PPP3CB: variants seen among roughly 807,000 people sequenced by gnomAD.
The protein encoded by PPP3CB is protein phosphatase 3 catalytic subunit beta.
A neutral mutation model predicts 66.4 loss-of-function variants in PPP3CB; 8 were observed. The ratio of observed to expected loss-of-function variants is 0.12; its 90% CI spans 0.07 to 0.22. PPP3CB has a LOEUF of 0.22. Ranked by LOEUF, PPP3CB falls within the 10% of genes least tolerant of loss-of-function variation. The pLI, the probability that PPP3CB is intolerant of heterozygous loss-of-function variation, is 1.00. For synonymous variants in PPP3CB, 208 were observed against 221.2 expected (o/e 0.94, Z 0.53); for missense variants, 319 against 642.5 (o/e 0.50, Z 5.44).
At chr10:73,455,177 C>T (rs1362984869) in intron 9 of PPP3CB, among the ~76,000 whole-genome samples, 1 of 152,140 alleles carries the variant, frequency 6.6e-6, no homozygotes, top group Non-Finnish European at 1.5e-5. Flanking sequence ...GCCACTGCGC[C>T]TGGCCTTAAT....
chr10:73,483,766 G>A lies in PPP3CB; in HGVS notation c.86-4249C>T, dbSNP rs999809877. Among the ~76,000 whole-genome samples the A allele has an allele frequency of 3.3e-5, 5 of 152,316 alleles. No individual in the cohort carries two copies. In the East Asian group the frequency reaches 9.6e-4, roughly 29 times the overall value. The stretch of plus-strand genomic sequence containing the variant: ...AGAACGGAGCTTCAGCAGGAGACCT[G>A]ACGGGGCAAAAGATAACTGTCCAAA... On this transcript the variant is annotated intron_variant, in intron 1 of 13. Transcript: ENST00000360663.
chr10:73,460,265 C>CAA (rs11447229), intron 9 of PPP3CB, among the ~76,000 whole-genome samples: 513 of 35,752 alleles, frequency 0.014, 15 homozygotes, highest in African/African-American at 0.04. Flanking sequence ...AAAGTAATAG[C>CAA]AAAAAAAAAA....
intron 8 of PPP3CB, 62 bp from the exon 9 acceptor site, chr10:73,467,740 A>C: frequency 7.1e-7 from 1 of 1,410,364 alleles, no homozygotes; most frequent in Non-Finnish European, 9.6e-7. Context: ...ATTAGCCTTA[A>C]AAATATAAAA....
At chr10:73,458,180 A>G (rs1291320619) in intron 9 of PPP3CB, among the ~76,000 whole-genome samples, 1 of 152,190 alleles carries the variant, frequency 6.6e-6, no homozygotes, top group Non-Finnish European at 1.5e-5. Flanking sequence ...TCTGTTGTCC[A>G]GGCTGGAGTG....
At chr10:73,495,571 AAG>A in intron 1 of PPP3CB, 1 of 412,562 alleles carries the variant, frequency 2.4e-6, no homozygotes, top group Non-Finnish European at 4.0e-6. Flanking sequence ...TTGGGCTAGG[AAG>A]CCACGGAAGC....
intron 4 of PPP3CB, 29 bp downstream of exon 4, chr10:73,474,890 G>T: frequency 6.2e-7 from 1 of 1,610,650 alleles, no homozygotes; most frequent in Non-Finnish European, 8.5e-7. Context: ...TACTGAGGAA[G>T]TGAAAACATT....
chr10:73,484,710 T>C (rs1234676298), intron 1 of PPP3CB, among the ~76,000 whole-genome samples: 1 of 152,120 alleles, frequency 6.6e-6, no homozygotes, highest in Non-Finnish European at 1.5e-5. Flanking sequence ...GCAATATAAA[T>C]AGTCAACAAC....
chr10:73,495,171 T>G (rs1010102250), intron 1 of PPP3CB, among the ~76,000 whole-genome samples: 3 of 152,222 alleles, frequency 2.0e-5, no homozygotes, highest in African/African-American at 7.2e-5. Flanking sequence ...TTTTTTCGTT[T>G]ATGCTGCTTT....
At chr10:73,479,635 A>T in intron 1 of PPP3CB, 118 bp from the exon 2 acceptor site, 2 of 949,334 alleles carry the variant, frequency 2.1e-6, no homozygotes, top group Non-Finnish European at 3.0e-6. Flanking sequence ...TTTCTTCTTC[A>T]TTTATTGGGT....
chr10:73,458,322 A>T (rs2056463143), intron 9 of PPP3CB, among the ~76,000 whole-genome samples: 1 of 151,996 alleles, frequency 6.6e-6, no homozygotes, highest in Non-Finnish European at 1.5e-5. Context: ...TTTTTAGTAG[A>T]GACAGGGTTT....
chr10:73,469,542 G>T (rs1371231524), intron 8 of PPP3CB, among the ~76,000 whole-genome samples: 2 of 152,150 alleles, frequency 1.3e-5, no homozygotes, highest in African/African-American at 4.8e-5. Flanking sequence ...ACCCTGTCTA[G>T]AGAGAGAAAG....
Position 73,437,062 on chromosome 10 carries a change from T to C in PPP3CB, c.*1180A>G, listed in dbSNP as rs1379785876. The C allele has an allele frequency of 6.6e-6, 1 of 152,654 alleles. No individual in the cohort carries two copies. Among genetic ancestry groups the C allele is most frequent in the Non-Finnish European group, 1.5e-5 (1 of 68,028 alleles). 9.5% of individuals were successfully genotyped at this position (152,654 alleles called of 1,614,324 possible). On this transcript the variant is annotated 3_prime_UTR_variant, in exon 14 of 14. Transcript: ENST00000360663. ...ATACAGGTCAATAATTGTGAAAAATTAGCACATGGTTCCATTTAGTTTAAC... is the reference window on the plus strand; with the variant it reads ...ATACAGGTCAATAATTGTGAAAAATCAGCACATGGTTCCATTTAGTTTAAC...
chr10:73,456,179 T>G (rs753765855), intron 9 of PPP3CB, among the ~76,000 whole-genome samples: 1 of 152,182 alleles, frequency 6.6e-6, no homozygotes, highest in Admixed American at 6.5e-5. Context: ...TGCTAATAAA[T>G]ATACTAAAAG....
rs773643429 is a variant in PPP3CB, at chr10:73,467,569, C to T, written c.1092G>A (p.Pro364=). The part of the protein sequence containing the change: ...NFMDVFTWSL[P]FVGEKVTEML... ...AAATTATACCTTTTTCTCCAACAAA[C>T]GGTAAAGACCACGTGAAGACATCCA... is the stretch of plus-strand genomic sequence containing the variant. Residue 364 remains proline (P), a synonymous_variant, in exon 9 of 14, where the codon CCG becomes CCA. Coordinates refer to ENST00000360663, the MANE Select transcript of PPP3CB (RefSeq NM_021132.4). 15 of 1,553,648 alleles carry T rather than the reference C, an allele frequency of 9.7e-6. No individual in the cohort carries two copies. Among genetic ancestry groups the T allele is most frequent in the African/African-American group, 5.6e-5 (4 of 71,340 alleles).
intron 9 of PPP3CB, among the ~76,000 whole-genome samples, chr10:73,464,692 G>A (rs1046343081): frequency 6.6e-6 from 1 of 152,090 alleles, no homozygotes; most frequent in African/African-American, 2.4e-5. Context: ...AGCACTTTAG[G>A]AAGTTGAGGC....
rs549171832 is a variant in PPP3CB at position 73,457,899 on chromosome 10, T to C, written c.1109-3410A>G. Among the ~76,000 whole-genome samples, 6 of 152,294 alleles carry C rather than the reference T, an allele frequency of 3.9e-5. No individual in the cohort carries two copies. In the East Asian group the frequency reaches 1.2e-3, roughly 29 times the overall value. On this transcript the variant is annotated intron_variant, in intron 9 of 13. Coordinates refer to ENST00000360663, the MANE Select transcript of PPP3CB (RefSeq NM_021132.4). ...TGAGACAGAAAAATACTGCATGTTC[T>C]CATAAGTGGAAGCTAAATAATATAT...
At chr10:73,476,297 CTTTTAT>C (rs2056786903) in intron 3 of PPP3CB, among the ~76,000 whole-genome samples, 1 of 152,048 alleles carries the variant, frequency 6.6e-6, no homozygotes. Context: ...TGTTATTTTC[CTTTTAT>C]AACAACAAAA....
intron 4 of PPP3CB, 100 bp downstream of exon 4, chr10:73,474,819 T>C (rs1463072158): frequency 2.7e-6 from 4 of 1,463,448 alleles, no homozygotes; most frequent in East Asian, 2.4e-5. Flanking sequence ...ATGAAATCTG[T>C]CCTTACATGT....
chr10:73,458,375 A>G (rs147060136), intron 9 of PPP3CB, among the ~76,000 whole-genome samples: 7,518 of 152,068 alleles, frequency 0.049, 567 homozygotes, highest in African/African-American at 0.16. Flanking sequence ...GACCTCAGGT[A>G]ATCCACCCGC....
Sources: allele counts gnomAD v4.1 joint callset (sites outside exome capture counted in the v4.1 genomes callset), GRCh38; gene constraint gnomAD v4.1.1; transcripts MANE v1.5; gene names NCBI Gene and HGNC (gene_info 2026-07-23, HGNC 2026-07-21).